LIX1: variants seen among roughly 807,000 people sequenced by gnomAD.
The protein encoded by LIX1 is protein limb expression 1 homolog.
LIX1 carries 24 observed loss-of-function variants against 33.4 expected under a neutral mutation model. The ratio of observed to expected loss-of-function variants is 0.72; its 90% CI spans 0.52 to 1.01. The LOEUF (loss-of-function observed/expected upper bound fraction) is 1.01, where lower values mean the gene tolerates loss of function less well. LIX1 is among the 50% of genes least tolerant of loss of function. The probability of loss-of-function intolerance (pLI) is 0.00; values close to 1 mark genes in which losing one functional copy is unlikely to be tolerated. For missense variants in LIX1, 311 were observed against 339.2 expected (o/e 0.92, Z 0.65); for synonymous variants, 124 against 124.0 (o/e 1.00, Z 0.00).
At chr5:97,105,454 T>A (rs1173905603) in intron 3 of LIX1, among the ~76,000 whole-genome samples, 169 bp from the exon 4 acceptor site, 2 of 152,230 alleles carry the variant, frequency 1.3e-5, no homozygotes, top group South Asian at 4.1e-4. Context: ...CAATTTGAAT[T>A]GAGCGTTTGA....
At chr5:97,125,525 G>A (rs1407026706) in intron 1 of LIX1, among the ~76,000 whole-genome samples, 2 of 152,174 alleles carry the variant, frequency 1.3e-5, no homozygotes, top group Admixed American at 1.3e-4. Flanking sequence ...CACAACCTGA[G>A]GCAGCCTATT....
At chr5:97,123,586 A>G (rs1747838079) in intron 2 of LIX1, among the ~76,000 whole-genome samples, 1 of 152,218 alleles carries the variant, frequency 6.6e-6, no homozygotes, top group Non-Finnish European at 1.5e-5. Context: ...AATCCAAAGC[A>G]TCTTCATGCT....
intron 1 of LIX1, among the ~76,000 whole-genome samples, chr5:97,136,663 G>A (rs1748178350): frequency 6.6e-6 from 1 of 152,148 alleles, no homozygotes; most frequent in Admixed American, 6.5e-5. Context: ...TGCCAAAGGA[G>A]TGGTGACGAA....
intron 4 of LIX1, among the ~76,000 whole-genome samples, chr5:97,103,773 G>C (rs1262785281): frequency 6.6e-6 from 1 of 152,088 alleles, no homozygotes; most frequent in African/African-American, 2.4e-5. Flanking sequence ...AGACCATCCT[G>C]GCTAACACGG....
chr5:97,127,171 C>T (rs1479429386), intron 1 of LIX1, among the ~76,000 whole-genome samples: 1 of 152,114 alleles, frequency 6.6e-6, no homozygotes, highest in Non-Finnish European at 1.5e-5. Flanking sequence ...CTCTTCTTGT[C>T]AACAAGGACT....
intron 2 of LIX1, among the ~76,000 whole-genome samples, chr5:97,109,713 C>A (rs527972416): frequency 6.6e-6 from 1 of 152,126 alleles, no homozygotes; most frequent in Non-Finnish European, 1.5e-5. Context: ...ACTCTGTATC[C>A]AATATGTAGT....
chr5:97,096,845 G>A lies in LIX1; in HGVS notation c.526C>T (p.Leu176=). 1 of 1,614,000 alleles carries A rather than the reference G, an allele frequency of 6.2e-7. No homozygotes were observed. The highest frequency in any genetic ancestry group is 8.5e-7 in the Non-Finnish European group (1 of 1,179,890). Residue 176 remains leucine, a synonymous_variant, in exon 5 of 6, where the codon CTA becomes TTA. Coordinates refer to ENST00000274382, the MANE Select transcript of LIX1 (RefSeq NM_153234.5). The part of the protein sequence containing the change: ...IFQLLHWNGS[L]KALRETKCSR... ...CACTTTGTTTCACGAAGGGCTTTTA[G>A]GCTTCCATTCCAGTGCAATAGTTGG...
intron 1 of LIX1, among the ~76,000 whole-genome samples, chr5:97,130,575 C>T (rs1202713088): frequency 1.3e-5 from 2 of 152,158 alleles, no homozygotes; most frequent in Non-Finnish European, 2.9e-5. Context: ...TCTGGTTCTG[C>T]CTTTAACTTT....
At chr5:97,128,733 C>G (rs1200439348) in intron 1 of LIX1, among the ~76,000 whole-genome samples, 2 of 152,266 alleles carry the variant, frequency 1.3e-5, no homozygotes, top group East Asian at 3.9e-4. Context: ...CCTTAAACTT[C>G]ATTTCCTCTT....
At chr5:97,117,710 T>G (rs1261897749) in intron 2 of LIX1, among the ~76,000 whole-genome samples, 1 of 152,212 alleles carries the variant, frequency 6.6e-6, no homozygotes, top group Non-Finnish European at 1.5e-5. Context: ...TTTAAGGCTG[T>G]ATGCTCCTTG....
chr5:97,096,710 A>G, intron 5 of LIX1, 100 bp downstream of exon 5: 1 of 849,642 alleles, frequency 1.2e-6, no homozygotes, highest in South Asian at 1.5e-5. Context: ...TACCAAATTT[A>G]TATTTGGAAA....
chr5:97,119,649 A>G (rs969873295), intron 2 of LIX1, among the ~76,000 whole-genome samples: 11 of 152,326 alleles, frequency 7.2e-5, no homozygotes, highest in Admixed American at 3.3e-4. Flanking sequence ...TGATTTAAAC[A>G]TAAAGAAAAG....
chr5:97,137,431 C>T (rs1273925139), intron 1 of LIX1, among the ~76,000 whole-genome samples: 1 of 151,462 alleles, frequency 6.6e-6, no homozygotes, highest in Non-Finnish European at 1.5e-5. Context: ...GACTTTTATA[C>T]ATTTAACTTT....
intron 2 of LIX1, among the ~76,000 whole-genome samples, chr5:97,108,563 C>A (rs1253666473): frequency 6.6e-6 from 1 of 152,144 alleles, no homozygotes; most frequent in Non-Finnish European, 1.5e-5. Context: ...CTGGACTGTC[C>A]CTGGAGCCCA....
intron 1 of LIX1, among the ~76,000 whole-genome samples, chr5:97,132,476 G>C (rs1398805253): frequency 1.3e-5 from 2 of 152,026 alleles, no homozygotes; most frequent in African/African-American, 4.8e-5. Context: ...GTTGAGGGAG[G>C]GATGGGTGAA....
intron 2 of LIX1, among the ~76,000 whole-genome samples, chr5:97,118,662 A>C (rs1747697026): frequency 6.6e-6 from 1 of 152,226 alleles, no homozygotes; most frequent in South Asian, 2.1e-4. Context: ...AGATCCAATA[A>C]GTACTAATGT....
Position 97,092,539 on chromosome 5 carries a change from T to C in LIX1, c.*2209A>G, listed in dbSNP as rs549231488. Reference sequence around the variant, plus strand: ...GCATTAAAGGGACCAGCAAAGATTCTGACTTTTATTTATTTTGCTGAAGCT... The same window carrying C: ...GCATTAAAGGGACCAGCAAAGATTCCGACTTTTATTTATTTTGCTGAAGCT... On this transcript the variant is annotated 3_prime_UTR_variant, in exon 6 of 6. Transcript: ENST00000274382. 1 of 152,524 alleles carries C rather than the reference T, an allele frequency of 6.6e-6. No individual in the cohort carries two copies. Among genetic ancestry groups the C allele is most frequent in the East Asian group, 1.9e-4 (1 of 5,330 alleles). 9.4% of individuals were successfully genotyped at this position (152,524 alleles called of 1,614,324 possible). A position where few individuals can be genotyped will look rare whatever the true frequency, so the allele number is the denominator to read the frequency against.
intron 1 of LIX1, among the ~76,000 whole-genome samples, chr5:97,126,530 G>C (rs1470112551): frequency 3.3e-5 from 5 of 151,988 alleles, no homozygotes; most frequent in Non-Finnish European, 7.4e-5. Context: ...AGTAGTGAGG[G>C]GATACTTGAG....
chr5:97,122,056 T>C (rs1747798021), intron 2 of LIX1, among the ~76,000 whole-genome samples: 1 of 152,166 alleles, frequency 6.6e-6, no homozygotes. Flanking sequence ...GTGTCCACGG[T>C]TACATCAAGC....
Sources: gnomAD v4.1 joint callset for allele counts (sites outside exome capture counted in the v4.1 genomes callset) on GRCh38, gnomAD v4.1.1 for gene constraint, MANE v1.5 for transcripts, NCBI Gene and HGNC (gene_info 2026-07-23, HGNC 2026-07-21) for gene names.